Variants in SENP7 observed in about 807,000 individuals in gnomAD.
The protein encoded by SENP7 is sentrin-specific protease 7.
Under a neutral mutation model 141.2 loss-of-function variants are expected in SENP7, and 64 were observed. The observed-to-expected ratio is 0.45, with a 90% CI of 0.37 to 0.56. The LOEUF (loss-of-function observed/expected upper bound fraction) is 0.56. Ranked by LOEUF, SENP7 falls within the 20% of genes least tolerant of loss-of-function variation. SENP7 has a pLI of 0.00. For missense variants in SENP7, 1,025 were observed against 1,212.2 expected, an observed-to-expected ratio of 0.85 and a Z score of 2.29; for synonymous variants, 382 against 426.4, an observed-to-expected ratio of 0.90 and a Z score of 1.28.
At chr3:101,392,490 T>A (rs1203928767) in intron 6 of SENP7, among the ~76,000 whole-genome samples, 1 of 152,084 alleles carries the variant, frequency 6.6e-6, no homozygotes, top group African/African-American at 2.4e-5. Flanking sequence ...ACCATAGAGT[T>A]GAAAGATCTC....
rs1489217868 is a variant in SENP7, at chr3:101,469,546, C to T, written c.187-10494G>A. On this transcript the variant is annotated intron_variant, in intron 3 of 23. Coordinates refer to ENST00000394095, the MANE Select transcript of SENP7 (RefSeq NM_020654.5). The stretch of plus-strand genomic sequence containing the variant: ...AATGTAAAAGAACAGATATCACGGC[C>T]GGGCGCGATGGCTCACGCCTGTAAT... 4.9e-5 allele frequency among the ~76,000 whole-genome samples: 4 copies of T among 82,086 alleles called. No individual in the cohort carries two copies. The East Asian group carries it at 1.7e-3, about 35-fold the overall frequency. 53.9% of individuals were successfully genotyped at this position (82,086 alleles called of 152,430 possible).
chr3:101,340,269 G>A (rs988473950), intron 15 of SENP7, 58 bp from the exon 16 acceptor site: 35 of 1,502,638 alleles, frequency 2.3e-5, no homozygotes, highest in Non-Finnish European at 3.1e-5. Context: ...TTATCTAAGA[G>A]ATTTCTTATA....
chr3:101,459,102 G>C (rs374711668), intron 3 of SENP7, 50 bp from the exon 4 acceptor site: 11 of 1,058,352 alleles, frequency 1.0e-5, no homozygotes, highest in African/African-American at 1.6e-5. Context: ...AATATGACAA[G>C]AGGCATTTAA....
rs150985930 is a variant in SENP7 at position 101,330,347 on chromosome 3, G to A, written c.2738C>T (p.Ala913Val). Residue 913 changes from alanine to valine, a missense_variant, in exon 20 of 24, where the codon GCA (alanine) becomes GTA (valine). Ala to Val is a moderately conservative substitution (Grantham distance 64). Coordinates refer to ENST00000394095, the MANE Select transcript of SENP7 (RefSeq NM_020654.5). ...LRTTSTLSLS[A>V]EDSQSTESNM... is the part of the protein sequence containing the mutation. Reference sequence around the variant, plus strand: ...GAACACACTTACTTGGGAATCCTCTGCACTCAAAGACAGTGTCGAAGTAGT... The same window carrying A: ...GAACACACTTACTTGGGAATCCTCTACACTCAAAGACAGTGTCGAAGTAGT... 7 of 1,606,070 alleles carry A rather than the reference G, an allele frequency of 4.4e-6. No homozygotes were observed. Among genetic ancestry groups the A allele is most frequent in the African/African-American group, 2.7e-5 (2 of 74,640 alleles).
At chr3:101,487,641 G>T (rs545554366) in intron 3 of SENP7, among the ~76,000 whole-genome samples, 99 of 152,260 alleles carry the variant, frequency 6.5e-4, no homozygotes, top group Non-Finnish European at 1.3e-3. Flanking sequence ...TTTTGTATAT[G>T]GTAAAAGGTA....
chr3:101,454,541 CAT>C (rs1425051116), intron 4 of SENP7, among the ~76,000 whole-genome samples: 1 of 151,922 alleles, frequency 6.6e-6, no homozygotes, highest in East Asian at 1.9e-4. Context: ...AAAAAGAAAA[CAT>C]ATGTCTACAC....
At chr3:101,385,445 G>A (rs1325005298) in intron 6 of SENP7, among the ~76,000 whole-genome samples, 3 of 152,138 alleles carry the variant, frequency 2.0e-5, no homozygotes, top group Non-Finnish European at 1.5e-5. Context: ...AGAGTCTAAC[G>A]TCAACTATGC....
chr3:101,380,572 G>A (rs2060474577), intron 6 of SENP7, among the ~76,000 whole-genome samples: 1 of 150,798 alleles, frequency 6.6e-6, no homozygotes, highest in Non-Finnish European at 1.5e-5. Context: ...AGGCTGTAGT[G>A]CACTATAATC....
chr3:101,342,067 A>C (rs978695155), intron 14 of SENP7, among the ~76,000 whole-genome samples: 5 of 152,226 alleles, frequency 3.3e-5, no homozygotes, highest in African/African-American at 9.6e-5. Flanking sequence ...AAAATGTAAT[A>C]AATAGGAGGA....
In SENP7 at chr3:101,357,345, T is replaced by C; in HGVS notation, c.1623+4370A>G. Reference sequence around the variant, plus strand: ...CAGTGGAATTTATATAAGGATGTGATGTTAGAGAACTACAGAAACCTGTTC... The same window carrying C: ...CAGTGGAATTTATATAAGGATGTGACGTTAGAGAACTACAGAAACCTGTTC... On this transcript the variant is annotated intron_variant, in intron 11 of 23. Transcript: ENST00000394095. 10 of 681,628 alleles carry C rather than the reference T, an allele frequency of 1.5e-5. No homozygotes were observed. In the South Asian group the frequency reaches 1.5e-4, roughly 10 times the overall value. 42.2% of individuals were successfully genotyped at this position (681,628 alleles called of 1,614,324 possible).
intron 11 of SENP7, among the ~76,000 whole-genome samples, chr3:101,354,893 G>C (rs1403414707): frequency 6.6e-6 from 1 of 151,822 alleles, no homozygotes; most frequent in Admixed American, 6.6e-5. Context: ...TCAGCATGTT[G>C]TTGACCTTTT....
At chr3:101,473,037 T>G (rs147338860) in intron 3 of SENP7, among the ~76,000 whole-genome samples, 26 of 152,298 alleles carry the variant, frequency 1.7e-4, no homozygotes, top group African/African-American at 6.3e-4. Context: ...ATTAGTTTGC[T>G]AAGGATAATG....
In SENP7 at chr3:101,324,233, CAGT is replaced by C. The variant is rs1444776905; in HGVS notation, c.*1707_*1709del. 1 of 151,998 alleles carries C rather than the reference CAGT, an allele frequency of 6.6e-6. No individual in the cohort carries two copies. The highest frequency in any genetic ancestry group is 1.5e-5 in the Non-Finnish European group (1 of 67,978). 9.4% of individuals were successfully genotyped at this position (151,998 alleles called of 1,614,324 possible). A position where few individuals can be genotyped will look rare whatever the true frequency, so the allele number is the denominator to read the frequency against. ...CATACAACTGGAAATTTATTTCTAA[CAGT>C]AGCTCATGTTTCTTAAGGAAAAAAA... On this transcript the variant is annotated 3_prime_UTR_variant, in exon 24 of 24. Transcript: ENST00000394095.
intron 4 of SENP7, among the ~76,000 whole-genome samples, chr3:101,442,690 G>C (rs547553760): frequency 2.0e-5 from 3 of 152,200 alleles, no homozygotes; most frequent in Admixed American, 6.5e-5. Context: ...AATCAACACA[G>C]AGATAGGTAT....
intron 5 of SENP7, among the ~76,000 whole-genome samples, chr3:101,401,081 A>G (rs1056368788): frequency 1.4e-5 from 2 of 147,652 alleles, no homozygotes; most frequent in African/African-American, 5.0e-5. Flanking sequence ...TGGGAAAGAG[A>G]GCAAGTCCTT....
intron 13 of SENP7, among the ~76,000 whole-genome samples, chr3:101,344,878 A>C (rs2059415012): frequency 6.6e-6 from 1 of 151,424 alleles, no homozygotes; most frequent in Non-Finnish European, 1.5e-5. Context: ...ATGGTGGCTC[A>C]CACTTGTAAC....
At chr3:101,410,265 A>C (rs1351919268) in intron 5 of SENP7, among the ~76,000 whole-genome samples, 3 of 152,126 alleles carry the variant, frequency 2.0e-5, no homozygotes, top group African/African-American at 7.2e-5. Context: ...GAATGGCCAT[A>C]ATCAAAAAAT....
At chr3:101,414,154 A>C in intron 5 of SENP7, 2 of 516,664 alleles carry the variant, frequency 3.9e-6, no homozygotes, top group Non-Finnish European at 6.9e-6. Flanking sequence ...AGATCCTTTA[A>C]AAGACAGATT....
chr3:101,410,028 T>C (rs2061410575), intron 5 of SENP7, among the ~76,000 whole-genome samples: 1 of 152,082 alleles, frequency 6.6e-6, no homozygotes. Context: ...ATCTTCACAA[T>C]GTATACATCT....
Sources: allele counts gnomAD v4.1 joint callset (sites outside exome capture counted in the v4.1 genomes callset), GRCh38; gene constraint gnomAD v4.1.1; transcripts MANE v1.5; gene names NCBI Gene and HGNC (gene_info 2026-07-23, HGNC 2026-07-21).